GLIS1: variants seen among roughly 807,000 people sequenced by gnomAD.
The protein encoded by GLIS1 is GLIS family zinc finger 1.
Under a neutral mutation model 63.8 loss-of-function variants are expected in GLIS1, and 24 were observed. The observed-to-expected ratio is 0.38, with a 90% confidence interval of 0.27 to 0.53. The LOEUF (loss-of-function observed/expected upper bound fraction) is 0.53, where lower values mean the gene tolerates loss of function less well. Among genes scored for constraint, GLIS1 ranks in the 20% least tolerant of loss-of-function variants. The probability of loss-of-function intolerance (pLI) is 0.85; values close to 1 mark genes in which losing one functional copy is unlikely to be tolerated. For missense variants in GLIS1, 1,036 were observed against 1,074.1 expected (o/e 0.96, Z 0.50); for synonymous variants, 450 against 482.5 (o/e 0.93, Z 0.88).
chr1:53,635,556 A>G (rs1645714665), intron 2 of GLIS1, among the ~76,000 whole-genome samples: 1 of 152,108 alleles, frequency 6.6e-6, no homozygotes, highest in Non-Finnish European at 1.5e-5. Context: ...TTAAAAAAAA[A>G]AAGCAAAATG....
rs1553129320 is a variant in GLIS1, at chr1:53,613,651, T to TC, written c.260-13374_260-13373insG. ...TGTAATTTAAAAATGATATTTTTGGTGGTTTTTTTTTCAGTTAATGTGTGG... is the reference window on the plus strand; with the variant it reads ...TGTAATTTAAAAATGATATTTTTGGTCGGTTTTTTTTTCAGTTAATGTGTGG... On this transcript the variant is annotated intron_variant, in intron 2 of 10. Coordinates refer to ENST00000628545, the MANE Select transcript of GLIS1 (RefSeq NM_001367484.1). 5.9e-4 allele frequency among the ~76,000 whole-genome samples: 7 copies of TC among 11,830 alleles called. No individual in the cohort carries two copies. The Non-Finnish European group carries it at 6.5e-3, about 11-fold the overall frequency. 7.8% of individuals were successfully genotyped at this position (11,830 alleles called of 152,430 possible). A position where few individuals can be genotyped will look rare whatever the true frequency, so the allele number is the denominator to read the frequency against.
At chr1:53,563,811 C>T (rs775336515) in intron 4 of GLIS1, among the ~76,000 whole-genome samples, 13 of 152,186 alleles carry the variant, frequency 8.5e-5, no homozygotes, top group Non-Finnish European at 1.8e-4. Flanking sequence ...AGACAGGAAA[C>T]ACAGACACCC....
At chr1:53,517,878 G>A (rs1644368354) in intron 7 of GLIS1, among the ~76,000 whole-genome samples, 1 of 152,222 alleles carries the variant, frequency 6.6e-6, no homozygotes, top group African/African-American at 2.4e-5. Flanking sequence ...GTGACCGAGT[G>A]TGTGAACTAG....
At chr1:53,696,329 AT>A (rs904329066) in intron 2 of GLIS1, among the ~76,000 whole-genome samples, 23 of 152,232 alleles carry the variant, frequency 1.5e-4, no homozygotes, top group African/African-American at 5.3e-4. Context: ...ATGCATCACT[AT>A]TCCCCACTTG....
chr1:53,712,299 G>A (rs932198537), intron 2 of GLIS1, among the ~76,000 whole-genome samples: 3 of 152,214 alleles, frequency 2.0e-5, no homozygotes, highest in African/African-American at 7.2e-5. Context: ...TCTGCACTGA[G>A]GCTGAGATTC....
chr1:53,672,036 G>A (rs1054626438), intron 2 of GLIS1, among the ~76,000 whole-genome samples: 1 of 152,190 alleles, frequency 6.6e-6, no homozygotes, highest in Non-Finnish European at 1.5e-5. Context: ...TACACAGCAG[G>A]CCCTGGCCAA....
intron 2 of GLIS1, among the ~76,000 whole-genome samples, chr1:53,686,463 C>A (rs1021989947): frequency 6.6e-6 from 1 of 152,300 alleles, no homozygotes; most frequent in East Asian, 1.9e-4. Flanking sequence ...GAGCAGAGGT[C>A]CTTGTGAGCA....
intron 6 of GLIS1, among the ~76,000 whole-genome samples, chr1:53,523,110 T>C (rs1182591027): frequency 6.6e-6 from 1 of 151,508 alleles, no homozygotes; most frequent in Non-Finnish European, 1.5e-5. Context: ...GCTAGGGCTA[T>C]AGTGAAGCCT....
At chr1:53,636,381 G>C (rs1044634882) in intron 2 of GLIS1, among the ~76,000 whole-genome samples, 1 of 151,038 alleles carries the variant, frequency 6.6e-6, no homozygotes, top group Non-Finnish European at 1.5e-5. Flanking sequence ...AAAAGCATTT[G>C]ATAAAAATTC....
intron 2 of GLIS1, among the ~76,000 whole-genome samples, chr1:53,610,126 C>G (rs1224804115): frequency 2.0e-5 from 3 of 152,244 alleles, no homozygotes; most frequent in Non-Finnish European, 4.4e-5. Context: ...TGCCTACACA[C>G]ACACATTCTT....
chr1:53,507,706 G>T (rs1020982466), intron 10 of GLIS1, among the ~76,000 whole-genome samples: 1 of 152,220 alleles, frequency 6.6e-6, no homozygotes, highest in South Asian at 2.1e-4. Flanking sequence ...AGCTGAGCGG[G>T]CCTGGAGTGG....
At chr1:53,683,001 A>C (rs1168506588) in intron 2 of GLIS1, among the ~76,000 whole-genome samples, 2 of 152,238 alleles carry the variant, frequency 1.3e-5, no homozygotes, top group Non-Finnish European at 2.9e-5. Context: ...TGAGACATGA[A>C]GAATGAGGAA....
chr1:53,532,743 C>T (rs1243337756), intron 4 of GLIS1, among the ~76,000 whole-genome samples: 2 of 152,118 alleles, frequency 1.3e-5, no homozygotes, highest in Admixed American at 1.3e-4. Flanking sequence ...CTCCAGGCTT[C>T]GTCATTTTCC....
intron 2 of GLIS1, among the ~76,000 whole-genome samples, chr1:53,653,431 A>G (rs2100335296): frequency 6.6e-6 from 1 of 152,050 alleles, no homozygotes; most frequent in East Asian, 1.9e-4. Flanking sequence ...ACCCCTGCCC[A>G]AGTCTCCATC....
chr1:53,537,984 C>T (rs1411544043), intron 4 of GLIS1, among the ~76,000 whole-genome samples: 1 of 152,254 alleles, frequency 6.6e-6, no homozygotes, highest in African/African-American at 2.4e-5. Context: ...CCTTCTCCAA[C>T]ATGTCAAATA....
chr1:53,639,600 G>A lies in GLIS1; in HGVS notation c.260-39322C>T, dbSNP rs2100283497. Among the ~76,000 whole-genome samples the A allele has an allele frequency of 6.6e-6, 1 of 152,286 alleles. No individual in the cohort carries two copies. The highest frequency in any genetic ancestry group is 1.9e-4 in the East Asian group (1 of 5,188). Reference sequence around the variant, plus strand: ...GGCCTAGAGCTGGATCCACCAGAGGGTGACGATAATATTTTCTTTCCTGTC... The same window carrying A: ...GGCCTAGAGCTGGATCCACCAGAGGATGACGATAATATTTTCTTTCCTGTC... On this transcript the variant is annotated intron_variant, in intron 2 of 10. Transcript: ENST00000628545. This position sits in a 1 kb window ranked among gnomAD's most constrained non-coding sequence, Gnocchi z 4.6.
chr1:53,633,551 C>T (rs753057882), intron 2 of GLIS1, among the ~76,000 whole-genome samples: 1 of 151,850 alleles, frequency 6.6e-6, no homozygotes. Context: ...GACGGGGGAC[C>T]ACAGAGGGAC....
intron 2 of GLIS1, among the ~76,000 whole-genome samples, chr1:53,720,428 T>C (rs1366310026): frequency 6.6e-6 from 1 of 152,114 alleles, no homozygotes; most frequent in Non-Finnish European, 1.5e-5. Context: ...CTTATACTCA[T>C]ATGTGAGAGC....
chr1:53,581,453 A>G (rs139759552), intron 4 of GLIS1, among the ~76,000 whole-genome samples: 48 of 152,304 alleles, frequency 3.2e-4, no homozygotes, highest in Non-Finnish European at 5.4e-4. Flanking sequence ...ACATTCATTT[A>G]TCTGTTGATC....
Sources: allele counts gnomAD v4.1 joint callset (sites outside exome capture counted in the v4.1 genomes callset), GRCh38; gene constraint gnomAD v4.1.1; non-coding constraint Gnocchi (gnomAD v3.1); transcripts MANE v1.5; gene names NCBI Gene and HGNC (gene_info 2026-07-23, HGNC 2026-07-21).